The following ACSM3 variants were observed in gnomAD, a reference collection of about 807,000 sequenced individuals.
ACSM3 encodes acyl-CoA synthetase medium chain family member 3.
ACSM3 carries 61 observed loss-of-function variants against 74.1 expected under a neutral mutation model. That is an observed-to-expected ratio of 0.82 (90% CI 0.67 to 1.02). ACSM3 has a LOEUF of 1.02. Among genes scored for constraint, ACSM3 ranks in the 50% least tolerant of loss-of-function variants. ACSM3 has a pLI of 0.00. For missense variants in ACSM3, 660 were observed against 697.0 expected, an observed-to-expected ratio of 0.95 and a Z score of 0.60; for synonymous variants, 213 against 241.5, an observed-to-expected ratio of 0.88 and a Z score of 1.09.
At chr16:20,677,076 C>A (rs1019955207) in intron 1 of ACSM3, among the ~76,000 whole-genome samples, 5 of 152,058 alleles carry the variant, frequency 3.3e-5, no homozygotes, top group African/African-American at 1.2e-4. Flanking sequence ...CTACTCCAAC[C>A]ACCTGGTGTC....
chr16:20,711,447 G>C, intron 1 of ACSM3: 1 of 1,039,636 alleles, frequency 9.6e-7, no homozygotes, highest in Non-Finnish European at 1.4e-6. Context: ...TTAAGGGATG[G>C]CGGTTCTGTT....
At chr16:20,788,583 GGGGAT>G (rs2080526034) in intron 9 of ACSM3, among the ~76,000 whole-genome samples, 1 of 152,188 alleles carries the variant, frequency 6.6e-6, no homozygotes, top group Admixed American at 6.5e-5. Context: ...TCTGGCATCT[GGGGAT>G]GTGTTCCAAC....
At chr16:20,779,524 C>T (rs1260016816) in intron 4 of ACSM3, among the ~76,000 whole-genome samples, 1 of 152,100 alleles carries the variant, frequency 6.6e-6, no homozygotes, top group Non-Finnish European at 1.5e-5. Context: ...TTCTCAACCC[C>T]ACATGCCTGG....
At position 20,797,313 on chromosome 16, in the gene ACSM3, TATACAA is replaced by T; in HGVS notation, c.*344_*349del. ...TTGACTAATTCTTCTGATATGTTGA[TATACAA>T]ATCAGAACCAATGTTCAAGCCTGAA... On this transcript the variant is annotated 3_prime_UTR_variant, in exon 14 of 14. Coordinates refer to ENST00000289416, the MANE Select transcript of ACSM3 (RefSeq NM_005622.4). 10 of 1,023,196 alleles carry T rather than the reference TATACAA, an allele frequency of 9.8e-6. No individual in the cohort carries two copies. The highest frequency in any genetic ancestry group is 1.2e-5 in the Non-Finnish European group (10 of 856,546). 63.4% of individuals were successfully genotyped at this position (1,023,196 alleles called of 1,614,324 possible).
At chr16:20,736,188 A>C (rs2079867407) in intron 1 of ACSM3, 1 of 152,176 alleles carries the variant, frequency 6.6e-6, no homozygotes, top group Non-Finnish European at 1.5e-5. Flanking sequence ...AGCTTTCTTT[A>C]TTAAGACAGA....
chr16:20,708,292 G>T (rs891481016), intron 1 of ACSM3, among the ~76,000 whole-genome samples: 3 of 152,040 alleles, frequency 2.0e-5, no homozygotes, highest in Admixed American at 2.0e-4. Context: ...CAGAGTAAAA[G>T]CCTGTCTCAA....
chr16:20,681,715 G>A (rs1488310184), intron 1 of ACSM3: 1 of 153,514 alleles, frequency 6.5e-6, no homozygotes, highest in Non-Finnish European at 1.4e-5. Flanking sequence ...AGCAACAAAG[G>A]GGGGAAATGG....
At chr16:20,685,862 A>G (rs2152322446) in intron 1 of ACSM3, among the ~76,000 whole-genome samples, 1 of 149,066 alleles carries the variant, frequency 6.7e-6, no homozygotes, top group South Asian at 2.1e-4. Context: ...AACTTATAGC[A>G]TCAGGAGAGG....
intron 1 of ACSM3, among the ~76,000 whole-genome samples, chr16:20,727,013 T>C (rs2079808852): frequency 1.3e-5 from 2 of 152,216 alleles, no homozygotes; most frequent in Admixed American, 1.3e-4. Flanking sequence ...GCTCAATCAG[T>C]ATTAGCTGTT....
In ACSM3 at chr16:20,797,554, T is replaced by C; in HGVS notation, c.*582T>C. 1 of 1,238,800 alleles carries C rather than the reference T, an allele frequency of 8.1e-7. No individual in the cohort carries two copies. The highest frequency in any genetic ancestry group is 1.0e-6 in the Non-Finnish European group (1 of 988,554). The allele number at this position is 1,238,800 out of a possible 1,614,324, so 76.7% of individuals were successfully genotyped here. On this transcript the variant is annotated 3_prime_UTR_variant, in exon 14 of 14. Transcript: ENST00000289416. The stretch of plus-strand genomic sequence containing the variant: ...ATATACTATTGTTGCTTATTATATG[T>C]AATCTAATAAATACTGTTTACAAAA...
intron 1 of ACSM3, among the ~76,000 whole-genome samples, chr16:20,769,270 A>G (rs1252490853): frequency 6.6e-6 from 1 of 152,244 alleles, no homozygotes; most frequent in Non-Finnish European, 1.5e-5. Flanking sequence ...AGTAAATGAC[A>G]TTGTGATCAA....
At chr16:20,679,867 GGA>G (rs2079402868) in intron 1 of ACSM3, 2 of 152,152 alleles carry the variant, frequency 1.3e-5, no homozygotes, top group Non-Finnish European at 1.5e-5. Context: ...AGAAAAAGAA[GGA>G]GAGTTATAGC....
chr16:20,767,403 G>A lies in ACSM3; in HGVS notation c.-51-2581G>A. On this transcript the variant is annotated intron_variant, in intron 1 of 13. Transcript: ENST00000289416. ...GTAGTGGCGGGCGCCTGTAGTCCCAGCTACTCGGGAGGCTGAGGCAGGAGA... is the reference window on the plus strand; with the variant it reads ...GTAGTGGCGGGCGCCTGTAGTCCCAACTACTCGGGAGGCTGAGGCAGGAGA... 3.4e-5 allele frequency among the ~76,000 whole-genome samples: 2 copies of A among 59,030 alleles called. 1 individual carries two copies. The highest frequency in any genetic ancestry group is 7.8e-5 in the Non-Finnish European group (2 of 25,570). The allele number at this position is 59,030 out of a possible 152,430, so 38.7% of individuals were successfully genotyped here. A position where few individuals can be genotyped will look rare whatever the true frequency, so the allele number is the denominator to read the frequency against.
chr16:20,746,601 G>C (rs555305643), intron 1 of ACSM3, among the ~76,000 whole-genome samples: 1 of 152,302 alleles, frequency 6.6e-6, no homozygotes, highest in Admixed American at 6.5e-5. Context: ...TAGCTTTGTA[G>C]CCTCACTGGC....
At chr16:20,738,203 A>G (rs750712625) in intron 1 of ACSM3, 3 of 535,278 alleles carry the variant, frequency 5.6e-6, no homozygotes, top group South Asian at 4.6e-5. Flanking sequence ...CTGTTTAGGT[A>G]GACACCGTTG....
chr16:20,739,165 G>A, intron 1 of ACSM3: 1 of 1,267,606 alleles, frequency 7.9e-7, no homozygotes, highest in Non-Finnish European at 1.1e-6. Context: ...GCGGCAGGTG[G>A]CTCAGTATTG....
rs2080440882 is a variant in ACSM3, at chr16:20,785,027, C to T, written c.1063C>T (p.Pro355Ser). ...AAAGCACTGTGTGAGTGCTGGGGAA[C>T]CAATTACCCCTGACGTGACTGAAAA... ...SLKHCVSAGE[P>S]ITPDVTEKWR... The change falls in exon 8 of 14, where the codon CCA (proline) becomes TCA (serine). Residue 355 changes from proline (P) to serine (S), a missense_variant. Transcript: ENST00000289416. The T allele has an allele frequency of 1.2e-6, 2 of 1,613,606 alleles. No individual in the cohort carries two copies. Among genetic ancestry groups the T allele is most frequent in the Non-Finnish European group, 1.7e-6 (2 of 1,179,694 alleles).
chr16:20,695,018 T>C (rs1027793639), intron 1 of ACSM3, among the ~76,000 whole-genome samples: 2 of 152,216 alleles, frequency 1.3e-5, no homozygotes, highest in Admixed American at 1.3e-4. Flanking sequence ...CAGTCATTAG[T>C]AATTTTCATG....
chr16:20,748,904 C>A (rs1441544431), intron 1 of ACSM3, among the ~76,000 whole-genome samples: 1 of 151,834 alleles, frequency 6.6e-6, no homozygotes, highest in Non-Finnish European at 1.5e-5. Flanking sequence ...ATACAAAAAT[C>A]AGCCATGTGT....
Sources: gnomAD v4.1 joint callset for allele counts (sites outside exome capture counted in the v4.1 genomes callset) on GRCh38, gnomAD v4.1.1 for gene constraint, MANE v1.5 for transcripts, NCBI Gene and HGNC (gene_info 2026-07-23, HGNC 2026-07-21) for gene names.